The following TMC1 variants were observed in gnomAD, a reference collection of about 807,000 sequenced individuals.
TMC1 encodes the protein transmembrane channel-like protein 1.
Under a neutral mutation model 105.8 loss-of-function variants are expected in TMC1, and 84 were observed. That is an observed-to-expected ratio of 0.79 (90% confidence interval 0.67 to 0.95). The LOEUF (loss-of-function observed/expected upper bound fraction) is 0.95, where lower values mean the gene tolerates loss of function less well. Among genes scored for constraint, TMC1 ranks in the 40% least tolerant of loss-of-function variants. The pLI is 0.00. For synonymous variants in TMC1, 315 were observed against 311.5 expected, an observed-to-expected ratio of 1.01 and a Z score of -0.12; for missense variants, 817 against 914.1, an observed-to-expected ratio of 0.89 and a Z score of 1.37.
intron 17 of TMC1, among the ~76,000 whole-genome samples, chr9:72,803,995 A>G (rs1055567829): frequency 7.2e-5 from 11 of 152,236 alleles, no homozygotes; most frequent in Admixed American, 5.2e-4. Context: ...ATGCCTATCA[A>G]TGATAGACTG....
chr9:72,695,882 T>A (rs1165046403), intron 7 of TMC1, among the ~76,000 whole-genome samples: 1 of 152,226 alleles, frequency 6.6e-6, no homozygotes, highest in African/African-American at 2.4e-5. Context: ...TAGTATTTTT[T>A]ATTTATATCT....
At chr9:72,595,462 AT>A (rs1301089000) in intron 2 of TMC1, among the ~76,000 whole-genome samples, 1 of 152,140 alleles carries the variant, frequency 6.6e-6, no homozygotes, top group African/African-American at 2.4e-5. Flanking sequence ...TTATGAGGGA[AT>A]TTATTCCTTA....
chr9:72,542,187 G>A (rs1330585835), intron 1 of TMC1, among the ~76,000 whole-genome samples: 2 of 152,078 alleles, frequency 1.3e-5, no homozygotes, highest in African/African-American at 2.4e-5. Flanking sequence ...AGGGCCCGGC[G>A]CGGTGGCTCG....
intron 20 of TMC1, among the ~76,000 whole-genome samples, chr9:72,822,601 C>T (rs1311634837): frequency 6.7e-6 from 1 of 149,906 alleles, no homozygotes; most frequent in Non-Finnish European, 1.5e-5. Context: ...ACAGTGACAT[C>T]TGGAGACTAA....
chr9:72,814,716 T>C (rs1178518069), intron 18 of TMC1, among the ~76,000 whole-genome samples: 4 of 152,238 alleles, frequency 2.6e-5, no homozygotes, highest in African/African-American at 4.8e-5. Flanking sequence ...AGGAGAGTAA[T>C]ACTGCCTTTT....
At chr9:72,758,636 C>G (rs895273863) in intron 12 of TMC1, among the ~76,000 whole-genome samples, 5 of 152,022 alleles carry the variant, frequency 3.3e-5, no homozygotes, top group Non-Finnish European at 7.4e-5. Context: ...TTAAGAACTC[C>G]CATAGAATGG....
intron 12 of TMC1, among the ~76,000 whole-genome samples, chr9:72,767,940 T>C (rs1300997008): frequency 6.6e-6 from 1 of 152,200 alleles, no homozygotes; most frequent in Non-Finnish European, 1.5e-5. Context: ...GGGTAAAAGA[T>C]GAGGAGCGTT....
chr9:72,833,365 A>C (rs1039179242), intron 23 of TMC1, among the ~76,000 whole-genome samples: 5 of 152,178 alleles, frequency 3.3e-5, no homozygotes, highest in African/African-American at 1.2e-4. Context: ...TTATACTCTC[A>C]ATATATTCAG....
At chr9:72,810,746 A>G (rs1181828441) in intron 18 of TMC1, among the ~76,000 whole-genome samples, 1 of 152,198 alleles carries the variant, frequency 6.6e-6, no homozygotes. Flanking sequence ...TTCTGTATGC[A>G]AATGTAGTAT....
chr9:72,555,382 T>A (rs890209155), intron 1 of TMC1, among the ~76,000 whole-genome samples: 1 of 151,898 alleles, frequency 6.6e-6, no homozygotes, highest in Non-Finnish European at 1.5e-5. Context: ...AGAGATGGGA[T>A]TTCACTGTGT....
intron 5 of TMC1, among the ~76,000 whole-genome samples, chr9:72,683,524 T>TAA (rs145112271): frequency 6.7e-6 from 1 of 149,354 alleles, no homozygotes; most frequent in Admixed American, 6.7e-5. Flanking sequence ...GGTTTTTTTT[T>TAA]AAAAAAATCA....
intron 3 of TMC1, among the ~76,000 whole-genome samples, chr9:72,627,020 T>A (rs1435261756): frequency 1.3e-5 from 2 of 151,494 alleles, no homozygotes; most frequent in African/African-American, 4.8e-5. Flanking sequence ...AATGTACTAC[T>A]ATGTTGTTGG....
chr9:72,540,946 T>C (rs925644635), intron 1 of TMC1, among the ~76,000 whole-genome samples: 1 of 152,256 alleles, frequency 6.6e-6, no homozygotes, highest in Non-Finnish European at 1.5e-5. Context: ...TGATTAGTTA[T>C]CTGCCTCCAT....
chr9:72,816,239 T>G lies in TMC1; in HGVS notation c.1763+29T>G, dbSNP rs189813504. 3.5e-5 allele frequency: 57 copies of G among 1,606,178 alleles called. No individual in the cohort carries two copies. The Admixed American group carries it at 9.3e-4, about 26-fold the overall frequency. ...GGCCAGCTGTTGGACAGCTTATCACTTACAGAAAAGCCTCCCAGGTTATTT... is the reference window on the plus strand; with the variant it reads ...GGCCAGCTGTTGGACAGCTTATCACGTACAGAAAAGCCTCCCAGGTTATTT... On this transcript the variant is annotated intron_variant, in intron 19 of 23. Coordinates refer to ENST00000297784, the MANE Select transcript of TMC1 (RefSeq NM_138691.3).
chr9:72,568,527 T>G lies in TMC1; in HGVS notation c.-427-9375T>G, dbSNP rs146287155. 3.7e-3 allele frequency among the ~76,000 whole-genome samples: 565 copies of G among 152,342 alleles called. 3 individuals are homozygous for G. The highest frequency in any genetic ancestry group is 0.013 in the African/African-American group (533 of 41,578). ...GAGGCACCAGGCTAGGCACCGCAGCTACAAAGGTGAAGAGAACATAGGCTC... is the reference window on the plus strand; with the variant it reads ...GAGGCACCAGGCTAGGCACCGCAGCGACAAAGGTGAAGAGAACATAGGCTC... On this transcript the variant is annotated intron_variant, in intron 1 of 23. Transcript: ENST00000297784.
chr9:72,793,822 C>T (rs560038085), intron 17 of TMC1, among the ~76,000 whole-genome samples: 3 of 152,302 alleles, frequency 2.0e-5, no homozygotes, highest in South Asian at 2.1e-4. Flanking sequence ...ATCGGCTCAC[C>T]AGACACATCC....
At chr9:72,645,888 T>G (rs1228220442) in intron 4 of TMC1, among the ~76,000 whole-genome samples, 1 of 152,218 alleles carries the variant, frequency 6.6e-6, no homozygotes, top group African/African-American at 2.4e-5. Flanking sequence ...GGTCTTCATT[T>G]CTTAAGGAAT....
At chr9:72,730,028 T>G (rs1827183109) in intron 8 of TMC1, among the ~76,000 whole-genome samples, 1 of 152,226 alleles carries the variant, frequency 6.6e-6, no homozygotes, top group Non-Finnish European at 1.5e-5. Flanking sequence ...TTATTTGGTA[T>G]AGTTCCTTTT....
At position 72,783,128 on chromosome 9, in the gene TMC1, C is replaced by G. The variant is rs143337791; in HGVS notation, c.885-5211C>G. On this transcript the variant is annotated intron_variant, in intron 13 of 23. Coordinates refer to ENST00000297784, the MANE Select transcript of TMC1 (RefSeq NM_138691.3). ...CACATAGACCGTATTAGTCAGGGCT[C>G]TCTAGAGAGACAGAACTAATAGGAG... Among the ~76,000 whole-genome samples, 746 of 152,240 alleles carry G rather than the reference C, an allele frequency of 4.9e-3. 3 individuals are homozygous for G. Among genetic ancestry groups the G allele is most frequent in the African/African-American group, 0.017 (719 of 41,554 alleles).
Sources: allele counts gnomAD v4.1 joint callset (sites outside exome capture counted in the v4.1 genomes callset), GRCh38; gene constraint gnomAD v4.1.1; transcripts MANE v1.5; gene names NCBI Gene and HGNC (gene_info 2026-07-23, HGNC 2026-07-21).